The following MAF variants were observed in gnomAD, a reference collection of about 807,000 sequenced individuals.
MAF encodes transcription factor Maf.
MAF carries 10 observed loss-of-function variants against 22.0 expected under a neutral mutation model. That is an observed-to-expected ratio of 0.45 (90% CI 0.28 to 0.77). The LOEUF (loss-of-function observed/expected upper bound fraction) is 0.77. Among genes scored for constraint, MAF ranks in the 30% least tolerant of loss-of-function variants. The probability of loss-of-function intolerance (pLI) is 0.12; values close to 1 mark genes in which losing one functional copy is unlikely to be tolerated. For synonymous variants in MAF, 337 were observed against 255.8 expected, an observed-to-expected ratio of 1.32 and a Z score of -3.03; for missense variants, 544 against 548.4, an observed-to-expected ratio of 0.99 and a Z score of 0.08.
At chr16:79,288,756 G>A in the MAF span, among the ~76,000 whole-genome samples, 1 of 152,076 alleles carries the variant, frequency 6.6e-6, no homozygotes, top group Non-Finnish European at 1.5e-5. Flanking sequence ...TTGAGATAGG[G>A]TCTCGCTGTG....
the MAF span, among the ~76,000 whole-genome samples, chr16:79,386,943 C>A: frequency 6.6e-6 from 1 of 152,178 alleles, no homozygotes; most frequent in Non-Finnish European, 1.5e-5. Flanking sequence ...GCTGTAAAAG[C>A]TCATCTAGCT....
At chr16:79,541,211 C>T in the MAF span, among the ~76,000 whole-genome samples, 1 of 152,208 alleles carries the variant, frequency 6.6e-6, no homozygotes, top group Non-Finnish European at 1.5e-5. Flanking sequence ...TCAACGACTG[C>T]TATCGTACTC....
At chr16:79,275,119 G>A in the MAF span, among the ~76,000 whole-genome samples, 1 of 152,200 alleles carries the variant, frequency 6.6e-6, no homozygotes, top group South Asian at 2.1e-4. Flanking sequence ...ACTTTGGGAG[G>A]CTGAGGCAGG....
At chr16:79,265,454 G>C in the MAF span, among the ~76,000 whole-genome samples, 1 of 152,112 alleles carries the variant, frequency 6.6e-6, no homozygotes, top group Non-Finnish European at 1.5e-5. Context: ...GAAGAAATAA[G>C]TACAGCAGTT....
the MAF span, among the ~76,000 whole-genome samples, chr16:79,499,668 G>A: frequency 2.0e-5 from 3 of 152,150 alleles, no homozygotes; most frequent in Non-Finnish European, 2.9e-5. Context: ...CACCATCCAC[G>A]AACTAGGAAG....
At chr16:79,466,435 C>T in the MAF span, among the ~76,000 whole-genome samples, 11 of 152,154 alleles carry the variant, frequency 7.2e-5, no homozygotes, top group African/African-American at 2.2e-4. Flanking sequence ...TGTGTTGAAA[C>T]GAGCAAAGAA....
the MAF span, among the ~76,000 whole-genome samples, chr16:79,269,590 T>A: frequency 6.6e-6 from 1 of 152,110 alleles, no homozygotes; most frequent in East Asian, 1.9e-4. Context: ...AGAAATAAGG[T>A]CATGGTGAAG....
the MAF span, among the ~76,000 whole-genome samples, chr16:79,395,635 G>T: frequency 4.6e-5 from 7 of 152,138 alleles, no homozygotes; most frequent in African/African-American, 1.7e-4. Flanking sequence ...ACCAGCAGAA[G>T]CCAGGAGACA....
At chr16:79,365,915 A>G in the MAF span, among the ~76,000 whole-genome samples, 2 of 152,252 alleles carry the variant, frequency 1.3e-5, no homozygotes, top group Non-Finnish European at 2.9e-5. Context: ...GTATGTGATC[A>G]TCTGACCTGT....
the MAF span, among the ~76,000 whole-genome samples, chr16:79,376,602 G>C: frequency 6.6e-6 from 1 of 151,980 alleles, no homozygotes; most frequent in Non-Finnish European, 1.5e-5. Context: ...ATGTATACAT[G>C]TGCCATGTTG....
the MAF span, among the ~76,000 whole-genome samples, chr16:79,256,020 T>C: frequency 5.4e-5 from 8 of 148,628 alleles, no homozygotes; most frequent in East Asian, 2.0e-4. Flanking sequence ...TCTTGCTGTA[T>C]TGCCAGGCTG....
At chr16:79,277,338 A>G in the MAF span, among the ~76,000 whole-genome samples, 1 of 152,190 alleles carries the variant, frequency 6.6e-6, no homozygotes, top group Admixed American at 6.5e-5. Context: ...TCCACCCACA[A>G]AAGTTTCTAA....
the MAF span, among the ~76,000 whole-genome samples, chr16:79,432,453 A>G: frequency 4.6e-5 from 7 of 152,242 alleles, no homozygotes; most frequent in African/African-American, 1.7e-4. Context: ...ACAGAAGTAG[A>G]TTAACAACAT....
downstream of MAF, among the ~76,000 whole-genome samples, chr16:79,583,193 G>T (rs902824887): frequency 6.6e-6 from 1 of 152,204 alleles, no homozygotes; most frequent in Non-Finnish European, 1.5e-5. Flanking sequence ...AGGCGTGCAA[G>T]ATAGAAACAA....
the MAF span, among the ~76,000 whole-genome samples, chr16:79,484,331 C>T: frequency 6.6e-6 from 1 of 152,142 alleles, no homozygotes; most frequent in Non-Finnish European, 1.5e-5. Flanking sequence ...TTTCGTTGAC[C>T]ACTACCTCCC....
chr16:79,259,001 C>T, the MAF span, among the ~76,000 whole-genome samples: 3 of 152,098 alleles, frequency 2.0e-5, no homozygotes, highest in Non-Finnish European at 2.9e-5. Context: ...AAGGGAGATC[C>T]CCCCCATCCC....
the MAF span, among the ~76,000 whole-genome samples, chr16:79,368,188 G>C: frequency 6.6e-6 from 1 of 152,162 alleles, no homozygotes; most frequent in Non-Finnish European, 1.5e-5. Context: ...GGCCAGGCTA[G>C]TTTTCATCGC....
chr16:79,218,491 T>G, the MAF span, among the ~76,000 whole-genome samples: 1 of 152,338 alleles, frequency 6.6e-6, no homozygotes, highest in East Asian at 1.9e-4. Flanking sequence ...CAACAGCTCC[T>G]ACTGGCCTTT....
the MAF span, among the ~76,000 whole-genome samples, chr16:79,386,774 C>G: frequency 6.6e-6 from 1 of 151,972 alleles, no homozygotes; most frequent in Non-Finnish European, 1.5e-5. Flanking sequence ...ATGGTGAGAT[C>G]CAATGGACAA....
Sources: allele counts gnomAD v4.1 joint callset (sites outside exome capture counted in the v4.1 genomes callset), GRCh38; gene constraint gnomAD v4.1.1; transcripts MANE v1.5; gene names NCBI Gene and HGNC (gene_info 2026-07-23, HGNC 2026-07-21).